MTHFSD: variants seen among roughly 807,000 people sequenced by gnomAD.
MTHFSD encodes methenyltetrahydrofolate synthase domain-containing protein.
MTHFSD carries 37 observed loss-of-function variants against 31.1 expected under a neutral mutation model. That is an observed-to-expected ratio of 1.19 (90% CI 0.91 to 1.56). The LOEUF is 1.56. Ranked by LOEUF, MTHFSD falls within the 40% of genes most tolerant of loss-of-function variation. The pLI is 0.00. For synonymous variants in MTHFSD, 221 were observed against 206.9 expected (o/e 1.07, Z -0.59); for missense variants, 664 against 510.1 (o/e 1.30, Z -2.91).
At chr16:86,547,631 T>A in intron 4 of MTHFSD, 1 of 851,988 alleles carries the variant, frequency 1.2e-6, no homozygotes, top group Non-Finnish European at 1.4e-6. Context: ...TCGTCTCAGT[T>A]TTCTATCTTT....
chr16:86,546,376 G>A (rs1232216480), intron 5 of MTHFSD, among the ~76,000 whole-genome samples, 183 bp downstream of exon 5: 2 of 152,218 alleles, frequency 1.3e-5, no homozygotes, highest in African/African-American at 2.4e-5. Context: ...ATGTTGGGCT[G>A]GGGCCAGAAG....
At chr16:86,544,128 C>A (rs1045306838) in intron 5 of MTHFSD, among the ~76,000 whole-genome samples, 2 of 152,170 alleles carry the variant, frequency 1.3e-5, no homozygotes, top group African/African-American at 4.8e-5. Flanking sequence ...AACTAAAGTA[C>A]ACAATAAATG....
intron 3 of MTHFSD, among the ~76,000 whole-genome samples, chr16:86,549,048 C>T (rs1972749690): frequency 6.6e-6 from 1 of 152,238 alleles, no homozygotes; most frequent in Admixed American, 6.5e-5. Context: ...CAGCAAATCA[C>T]AGTCAAAGAG....
rs751056359 is a variant in MTHFSD, at chr16:86,532,135, C to G, written c.1028G>C (p.Arg343Pro). The change falls in exon 8 of 8, where the codon CGC (arginine) becomes CCC (proline). Residue 343 changes from arginine to proline, a missense_variant. Coordinates refer to ENST00000360900, the MANE Select transcript of MTHFSD (RefSeq NM_001159377.2). ...GTCCGGGTAATGGAGGAAGGCTCTG[C>G]GCCGCGGGCCCTGCCAGGTGAGCCG... is the stretch of plus-strand genomic sequence containing the variant. ...PLRLTWQGPR[R>P]RAFLHYPDSA... 1 of 1,555,074 alleles carries G rather than the reference C, an allele frequency of 6.4e-7. No homozygotes were observed. The highest frequency in any genetic ancestry group is 8.7e-7 in the Non-Finnish European group (1 of 1,150,400).
chr16:86,531,521 T>C lies in MTHFSD; in HGVS notation c.*490A>G, dbSNP rs1236726802. 1 of 152,476 alleles carries C rather than the reference T, an allele frequency of 6.6e-6. No individual in the cohort carries two copies. The highest frequency in any genetic ancestry group is 1.5e-5 in the Non-Finnish European group (1 of 68,250). 9.4% of individuals were successfully genotyped at this position (152,476 alleles called of 1,614,324 possible). ...GCTTCCTGGGCTCCTGCGACATGGATGGAGCTCTCCCTGCCGTGCTGCCAG... is the reference window on the plus strand; with the variant it reads ...GCTTCCTGGGCTCCTGCGACATGGACGGAGCTCTCCCTGCCGTGCTGCCAG... On this transcript the variant is annotated 3_prime_UTR_variant, in exon 8 of 8. Transcript: ENST00000360900. This position sits in a 1 kb window ranked among gnomAD's most constrained non-coding sequence, Gnocchi z 5.5.
At chr16:86,548,344 G>T in intron 4 of MTHFSD, 120 bp downstream of exon 4, 5 of 948,192 alleles carry the variant, frequency 5.3e-6, no homozygotes, top group Non-Finnish European at 8.3e-6. Flanking sequence ...TAATATCTCT[G>T]TTCTTTTGGC....
At position 86,543,871 on chromosome 16, in the gene MTHFSD, G is replaced by A. The variant is rs573908325; in HGVS notation, c.443-1658C>T. ...TCACTCTCATTACTGTCTGAGCTCC[G>A]CCTCCTGTCCGATCAGCTGCGGCAT... is the stretch of plus-strand genomic sequence containing the variant. On this transcript the variant is annotated intron_variant, in intron 5 of 7. Coordinates refer to ENST00000360900, the MANE Select transcript of MTHFSD (RefSeq NM_001159377.2). Among the ~76,000 whole-genome samples, 19 of 152,236 alleles carry A rather than the reference G, an allele frequency of 1.2e-4. No homozygotes were observed. In the East Asian group the frequency reaches 3.3e-3, roughly 26 times the overall value.
In MTHFSD at chr16:86,548,552, G is replaced by A. The variant is rs1972667233; in HGVS notation, c.263C>T (p.Thr88Ile). The A allele has an allele frequency of 6.2e-7, 1 of 1,611,588 alleles. No homozygotes were observed. Among genetic ancestry groups the A allele is most frequent in the Non-Finnish European group, 8.5e-7 (1 of 1,179,444 alleles). ...LQSKKTLLVP[T>I]PRLRTGLFNK... Reference sequence around the variant, plus strand: ...AAACAATCCCGTTCTCAGTCGTGGTGTTGGAACCAACAATGTTTTTTTGCT... The same window carrying A: ...AAACAATCCCGTTCTCAGTCGTGGTATTGGAACCAACAATGTTTTTTTGCT... The change falls in exon 4 of 8, where the codon ACA becomes ATA. Residue 88 changes from threonine to isoleucine, a missense_variant. Physicochemically the swap from Thr to Ile is moderately conservative, Grantham distance 89. Transcript: ENST00000360900.
At chr16:86,548,060 T>C in intron 4 of MTHFSD, 2 of 1,290,378 alleles carry the variant, frequency 1.5e-6, no homozygotes, top group Non-Finnish European at 2.0e-6. Context: ...CAATTTCCAA[T>C]GGAGCATGTT....
chr16:86,541,267 C>G, intron 7 of MTHFSD: 2 of 1,203,028 alleles, frequency 1.7e-6, no homozygotes, highest in South Asian at 1.4e-5. Flanking sequence ...CAGGCTAGAT[C>G]TGCTTGAAGA....
Position 86,554,641 on chromosome 16 carries a change from G to C in MTHFSD, c.123+4C>G. ...TTTTCTGGACTCCAGAAATATGTCA[G>C]TACCTTAAAGTTGGGTATCCTGTGA... On this transcript the variant is annotated splice_donor_region_variant and intron_variant, in intron 2 of 7. Transcript: ENST00000360900. The C allele has an allele frequency of 6.2e-7, 1 of 1,607,844 alleles. No homozygotes were observed. The highest frequency in any genetic ancestry group is 1.1e-5 in the South Asian group (1 of 90,384).
chr16:86,541,406 C>T, intron 7 of MTHFSD: 4 of 573,800 alleles, frequency 7.0e-6, no homozygotes, highest in South Asian at 6.3e-5. Flanking sequence ...AAACAGGGGG[C>T]AAGTAAAGCT....
chr16:86,549,643 T>G (rs192138646), intron 3 of MTHFSD, among the ~76,000 whole-genome samples: 13 of 152,362 alleles, frequency 8.5e-5, no homozygotes, highest in African/African-American at 3.1e-4. Context: ...CAGCCTTTAG[T>G]GTGCATTAGA....
At chr16:86,537,795 C>A (rs1201759117) in intron 7 of MTHFSD, among the ~76,000 whole-genome samples, 2 of 152,166 alleles carry the variant, frequency 1.3e-5, no homozygotes, top group Admixed American at 6.5e-5. Context: ...TGGGGAAGAG[C>A]GGGCCATGCT....
intron 7 of MTHFSD, among the ~76,000 whole-genome samples, chr16:86,537,185 AGAAG>A (rs1970820074): frequency 6.6e-6 from 1 of 152,210 alleles, no homozygotes; most frequent in African/African-American, 2.4e-5. Context: ...AAATTTGGGA[AGAAG>A]GTAGAAACGT....
chr16:86,552,902 A>G (rs912526776), intron 2 of MTHFSD, among the ~76,000 whole-genome samples: 8 of 152,210 alleles, frequency 5.3e-5, no homozygotes, highest in Non-Finnish European at 1.2e-4. Flanking sequence ...CAGGGCAGAG[A>G]GCATTTTTGA....
chr16:86,544,757 G>A (rs1972032245), intron 5 of MTHFSD, among the ~76,000 whole-genome samples: 1 of 152,226 alleles, frequency 6.6e-6, no homozygotes, highest in Non-Finnish European at 1.5e-5. Flanking sequence ...ACGTGCACAT[G>A]TAGGTTCACT....
chr16:86,549,843 T>C (rs908055248), intron 3 of MTHFSD, among the ~76,000 whole-genome samples: 5 of 152,222 alleles, frequency 3.3e-5, no homozygotes, highest in Admixed American at 6.5e-5. Context: ...TTGAACAGAA[T>C]CTGATGCCAC....
intron 4 of MTHFSD, among the ~76,000 whole-genome samples, chr16:86,547,760 G>A (rs2059258): frequency 0.47 from 72,165 of 151,994 alleles, 20,220 homozygotes; most frequent in African/African-American, 0.78. Flanking sequence ...AGTAAACAAT[G>A]AAACGTTCCA....
Sources: gnomAD v4.1 joint callset for allele counts (sites outside exome capture counted in the v4.1 genomes callset) on GRCh38, gnomAD v4.1.1 for gene constraint, Gnocchi (gnomAD v3.1) non-coding constraint, MANE v1.5 for transcripts, NCBI Gene and HGNC (gene_info 2026-07-23, HGNC 2026-07-21) for gene names.